NDST3: variants seen among roughly 807,000 people sequenced by gnomAD.
NDST3 encodes the protein bifunctional heparan sulfate N-deacetylase/N-sulfotransferase 3.
NDST3 carries 58 observed loss-of-function variants against 96.1 expected under a neutral mutation model. That is an observed-to-expected ratio of 0.60 (90% confidence interval 0.49 to 0.75). The LOEUF (loss-of-function observed/expected upper bound fraction) is 0.75, where lower values mean the gene tolerates loss of function less well. Ranked by LOEUF, NDST3 falls within the 30% of genes least tolerant of loss-of-function variation. The pLI is 0.00. For missense variants in NDST3, 788 were observed against 1,034.2 expected, an observed-to-expected ratio of 0.76 and a Z score of 3.27; for synonymous variants, 333 against 359.7, an observed-to-expected ratio of 0.93 and a Z score of 0.84.
At chr4:118,084,042 T>C (rs1379985440) in intron 2 of NDST3, among the ~76,000 whole-genome samples, 2 of 152,158 alleles carry the variant, frequency 1.3e-5, no homozygotes, top group Non-Finnish European at 2.9e-5. Flanking sequence ...ATGATATCCA[T>C]CTCTTCATTT....
chr4:118,229,825 T>C lies in NDST3; in HGVS notation c.1819+2843T>C, dbSNP rs115610925. Among the ~76,000 whole-genome samples, 242 of 152,354 alleles carry C rather than the reference T, an allele frequency of 1.6e-3. 2 individuals are homozygous for C. The highest frequency in any genetic ancestry group is 5.7e-3 in the African/African-American group (235 of 41,586). ...GCCTCATGCATTTTTCTGGATTATA[T>C]CTCATGTATGTAATTGAGATTCAAA... On this transcript the variant is annotated intron_variant, in intron 8 of 13. Coordinates refer to ENST00000296499, the MANE Select transcript of NDST3 (RefSeq NM_004784.3).
In NDST3 at chr4:118,054,309, T is replaced by C. The variant is rs571316242; in HGVS notation, c.399T>C (p.Tyr133=). ...KMKGKYILII[Y]ENILKYINMD... is the part of the protein sequence containing the mutation. Reference sequence around the variant, plus strand: ...AAGGCAAATACATTCTCATTATTTATGAGAATATTTTAAAGTATATAAATA... The same window carrying C: ...AAGGCAAATACATTCTCATTATTTACGAGAATATTTTAAAGTATATAAATA... The change falls in exon 2 of 14, where the codon TAT becomes TAC. Residue 133 remains tyrosine, a synonymous_variant. Coordinates refer to ENST00000296499, the MANE Select transcript of NDST3 (RefSeq NM_004784.3). 2 of 1,610,262 alleles carry C rather than the reference T, an allele frequency of 1.2e-6. No homozygotes were observed. Among genetic ancestry groups the C allele is most frequent in the East Asian group, 2.2e-5 (1 of 44,634 alleles).
chr4:118,124,048 T>TA (rs1424667511), intron 4 of NDST3, among the ~76,000 whole-genome samples: 1 of 152,160 alleles, frequency 6.6e-6, no homozygotes, highest in Admixed American at 6.6e-5. Context: ...GGATAATACT[T>TA]AAAGAGGAAT....
At chr4:118,112,075 T>C (rs1277818820) in intron 3 of NDST3, among the ~76,000 whole-genome samples, 1 of 151,160 alleles carries the variant, frequency 6.6e-6, no homozygotes, top group Non-Finnish European at 1.5e-5. Context: ...ATAAGACAAA[T>C]CTATAAAGAG....
chr4:118,240,029 CAT>C (rs950920797), intron 10 of NDST3, among the ~76,000 whole-genome samples: 17 of 151,886 alleles, frequency 1.1e-4, no homozygotes, highest in Non-Finnish European at 2.1e-4. Flanking sequence ...AGATAATGTA[CAT>C]GTCAGACTTT....
At chr4:118,082,262 A>G (rs1728085382) in intron 2 of NDST3, among the ~76,000 whole-genome samples, 1 of 152,192 alleles carries the variant, frequency 6.6e-6, no homozygotes, top group Admixed American at 6.5e-5. Context: ...ACTTGTCAAG[A>G]GCAGTGAAGA....
At chr4:118,108,777 T>C (rs184512676) in intron 3 of NDST3, among the ~76,000 whole-genome samples, 243 of 152,272 alleles carry the variant, frequency 1.6e-3, no homozygotes, top group African/African-American at 5.7e-3. Context: ...ATTTGAAAAT[T>C]GTGTAGGATT....
intron 6 of NDST3, among the ~76,000 whole-genome samples, chr4:118,192,809 G>A (rs978592822): frequency 2.0e-5 from 3 of 152,150 alleles, no homozygotes; most frequent in Admixed American, 6.5e-5. Context: ...AGAGGCTGAG[G>A]GGGTTTGGGG....
intron 12 of NDST3, among the ~76,000 whole-genome samples, chr4:118,247,530 C>G (rs568545152): frequency 1.3e-5 from 2 of 151,420 alleles, no homozygotes; most frequent in South Asian, 2.1e-4. Context: ...CCAGCCTGGG[C>G]GACAAGAGTG....
rs538975053 is a variant in NDST3, at chr4:118,257,179, C to T, written c.*1467C>T. ...AGGGGGACAGAGTCTCACTATGTCA[C>T]CCAGGCTGGAGTGCAATGGTGTGAT... On this transcript the variant is annotated 3_prime_UTR_variant, in exon 14 of 14. Coordinates refer to ENST00000296499, the MANE Select transcript of NDST3 (RefSeq NM_004784.3). 1 of 152,048 alleles carries T rather than the reference C, an allele frequency of 6.6e-6. No homozygotes were observed. Among genetic ancestry groups the T allele is most frequent in the East Asian group, 1.9e-4 (1 of 5,174 alleles). 9.4% of individuals were successfully genotyped at this position (152,048 alleles called of 1,614,324 possible).
At chr4:118,224,771 T>C in intron 7 of NDST3, 98 bp downstream of exon 7, 1 of 1,074,014 alleles carries the variant, frequency 9.3e-7, no homozygotes, top group South Asian at 2.1e-5. Flanking sequence ...TGAAAAAACC[T>C]GCATTTTGGA....
At chr4:118,137,959 A>AAT (rs1733253077) in intron 4 of NDST3, 95 bp from the exon 5 acceptor site, 2 of 1,042,038 alleles carry the variant, frequency 1.9e-6, no homozygotes, top group Non-Finnish European at 2.7e-6. Context: ...GATGCATTTA[A>AAT]ATATATATAT....
intron 4 of NDST3, among the ~76,000 whole-genome samples, chr4:118,121,987 A>T (rs981919851): frequency 6.6e-6 from 1 of 152,216 alleles, no homozygotes; most frequent in Non-Finnish European, 1.5e-5. Context: ...CTCTAACAAG[A>T]TAGACATTGT....
At chr4:118,218,135 C>T (rs191932924) in intron 6 of NDST3, among the ~76,000 whole-genome samples, 31 of 152,232 alleles carry the variant, frequency 2.0e-4, no homozygotes, top group Non-Finnish European at 4.4e-4. Flanking sequence ...TGGTATCTTT[C>T]CTTCTGAAAC....
At chr4:118,041,210 T>C (rs1023942124) in intron 1 of NDST3, among the ~76,000 whole-genome samples, 9 of 152,138 alleles carry the variant, frequency 5.9e-5, no homozygotes, top group African/African-American at 2.2e-4. Flanking sequence ...CCCAGGTGTA[T>C]GGTATCTTTG....
chr4:118,125,861 T>C (rs1266976679), intron 4 of NDST3, among the ~76,000 whole-genome samples: 1 of 152,100 alleles, frequency 6.6e-6, no homozygotes, highest in African/African-American at 2.4e-5. Flanking sequence ...AATCTTTGCA[T>C]GTAGTACCAA....
chr4:118,156,068 A>G (rs1734691225), intron 6 of NDST3, among the ~76,000 whole-genome samples: 1 of 152,182 alleles, frequency 6.6e-6, no homozygotes. Flanking sequence ...TTCAGGATAG[A>G]CAGAAAATTT....
At chr4:118,191,126 A>T (rs1451554135) in intron 6 of NDST3, among the ~76,000 whole-genome samples, 1 of 152,216 alleles carries the variant, frequency 6.6e-6, no homozygotes, top group Non-Finnish European at 1.5e-5. Flanking sequence ...GAAAACTCTT[A>T]GGTGAAGCAA....
At chr4:118,194,645 G>A in intron 6 of NDST3, 1 of 682,662 alleles carries the variant, frequency 1.5e-6, no homozygotes, top group East Asian at 2.8e-5. Flanking sequence ...CTCTCTCGAT[G>A]ACCTTCAGCA....
Sources: gnomAD v4.1 joint callset for allele counts (sites outside exome capture counted in the v4.1 genomes callset) on GRCh38, gnomAD v4.1.1 for gene constraint, MANE v1.5 for transcripts, NCBI Gene and HGNC (gene_info 2026-07-23, HGNC 2026-07-21) for gene names.